Variants in ADCY2 observed in about 807,000 individuals in gnomAD.
The protein encoded by ADCY2 is adenylate cyclase 2, also known as adenylate cyclase type 2.
Under a neutral mutation model 125.2 loss-of-function variants are expected in ADCY2, and 31 were observed. That is an observed-to-expected ratio of 0.25 (90% CI 0.19 to 0.33). ADCY2 has a LOEUF of 0.33. Among genes scored for constraint, ADCY2 ranks in the 10% least tolerant of loss-of-function variants. The pLI is 1.00. For missense variants in ADCY2, 904 were observed against 1,418.2 expected (o/e 0.64, Z 5.82); for synonymous variants, 512 against 548.4 (o/e 0.93, Z 0.93).
In ADCY2 at chr5:7,826,878, A is replaced by C. The variant is rs759855887; in HGVS notation, c.*7A>C. ...GAGCAACGTGGCATCCTGAAGAGTC[A>C]CCTTCATTTTGGCAAGAAGACTGTA... is the stretch of plus-strand genomic sequence containing the variant. On this transcript the variant is annotated 3_prime_UTR_variant, in exon 25 of 25. Transcript: ENST00000338316. 1 of 1,592,490 alleles carries C rather than the reference A, an allele frequency of 6.3e-7. No individual in the cohort carries two copies. Among genetic ancestry groups the C allele is most frequent in the Non-Finnish European group, 8.5e-7 (1 of 1,172,226 alleles).
intron 2 of ADCY2, among the ~76,000 whole-genome samples, chr5:7,499,269 G>A (rs1743458560): frequency 6.6e-6 from 1 of 152,102 alleles, no homozygotes; most frequent in Non-Finnish European, 1.5e-5. Flanking sequence ...GCCTCCCAAA[G>A]TGCTGGGATT....
intron 3 of ADCY2, among the ~76,000 whole-genome samples, chr5:7,603,789 T>TC (rs1737304306): frequency 7.4e-6 from 1 of 135,730 alleles, no homozygotes; most frequent in Non-Finnish European, 1.5e-5. Context: ...TCTTTCTTTT[T>TC]TTTTTTTTTT....
At chr5:7,613,670 A>G (rs144699598) in intron 3 of ADCY2, among the ~76,000 whole-genome samples, 2 of 152,330 alleles carry the variant, frequency 1.3e-5, no homozygotes, top group African/African-American at 4.8e-5. Flanking sequence ...GATTGAACTC[A>G]CTTTCCAGCT....
chr5:7,483,556 A>G (rs1742814529), intron 2 of ADCY2, among the ~76,000 whole-genome samples: 1 of 152,248 alleles, frequency 6.6e-6, no homozygotes, highest in African/African-American at 2.4e-5. Context: ...ATATATTTTG[A>G]AAGCTTCTTC....
chr5:7,663,260 A>G (rs1280262309), intron 4 of ADCY2, among the ~76,000 whole-genome samples: 5 of 152,264 alleles, frequency 3.3e-5, no homozygotes, highest in Non-Finnish European at 5.9e-5. Context: ...AACCTATAGC[A>G]GCACCAACTC....
In ADCY2 at chr5:7,758,962, C is replaced by T. The variant is rs529530998; in HGVS notation, c.2094+1376C>T. Among the ~76,000 whole-genome samples, 56 of 152,272 alleles carry T rather than the reference C, an allele frequency of 3.7e-4. No individual in the cohort carries two copies. The South Asian group carries it at 9.7e-3, about 26-fold the overall frequency. On this transcript the variant is annotated intron_variant, in intron 16 of 24. Transcript: ENST00000338316. The stretch of plus-strand genomic sequence containing the variant: ...CAGTCCTCCAGGTCACGCGAGAGAT[C>T]GTAAATTCCTCTCAAACACCTGCAG...
At chr5:7,727,018 A>G (rs1267203472) in intron 13 of ADCY2, 146 bp from the exon 14 acceptor site, 1 of 605,692 alleles carries the variant, frequency 1.7e-6, no homozygotes, top group South Asian at 2.1e-5. Flanking sequence ...GCTGAGATGA[A>G]CAGGCTTTCT....
At chr5:7,538,231 A>T (rs1734884678) in intron 3 of ADCY2, among the ~76,000 whole-genome samples, 1 of 152,212 alleles carries the variant, frequency 6.6e-6, no homozygotes, top group African/African-American at 2.4e-5. Flanking sequence ...CATGATCCAT[A>T]ATAGAAACAG....
At chr5:7,488,145 C>T (rs1364875812) in intron 2 of ADCY2, among the ~76,000 whole-genome samples, 1 of 152,122 alleles carries the variant, frequency 6.6e-6, no homozygotes. Flanking sequence ...GTGGAGATGA[C>T]TGACTCATGG....
At chr5:7,737,225 T>C (rs1212847632) in intron 14 of ADCY2, among the ~76,000 whole-genome samples, 1 of 152,150 alleles carries the variant, frequency 6.6e-6, no homozygotes, top group East Asian at 1.9e-4. Context: ...AGAGAAAAGC[T>C]GATAAACCAA....
At chr5:7,497,285 T>C (rs1743375785) in intron 2 of ADCY2, among the ~76,000 whole-genome samples, 1 of 152,176 alleles carries the variant, frequency 6.6e-6, no homozygotes, top group Non-Finnish European at 1.5e-5. Flanking sequence ...CTGTAGAGAA[T>C]TACTTGAATT....
chr5:7,646,882 C>A (rs1362380643), intron 4 of ADCY2, among the ~76,000 whole-genome samples: 1 of 152,166 alleles, frequency 6.6e-6, no homozygotes, highest in Admixed American at 6.5e-5. Context: ...AGCAAATGGG[C>A]AATTTCGGCC....
intron 4 of ADCY2, among the ~76,000 whole-genome samples, chr5:7,647,158 C>G (rs1738928208): frequency 6.6e-6 from 1 of 152,156 alleles, no homozygotes; most frequent in East Asian, 1.9e-4. Flanking sequence ...CTAACACACG[C>G]CTTTCAGCTC....
intron 2 of ADCY2, among the ~76,000 whole-genome samples, chr5:7,480,950 T>C (rs1054195995): frequency 6.6e-6 from 1 of 152,202 alleles, no homozygotes; most frequent in Admixed American, 6.5e-5. Flanking sequence ...AACATGGGAA[T>C]GCAGATATCT....
intron 2 of ADCY2, among the ~76,000 whole-genome samples, chr5:7,425,824 T>A (rs1740365322): frequency 6.6e-6 from 1 of 152,244 alleles, no homozygotes; most frequent in Non-Finnish European, 1.5e-5. Flanking sequence ...GGTATTTTTT[T>A]CTTGCTCTCT....
chr5:7,707,470 T>A (rs911560804), intron 8 of ADCY2, among the ~76,000 whole-genome samples: 1 of 152,214 alleles, frequency 6.6e-6, no homozygotes, highest in Non-Finnish European at 1.5e-5. Flanking sequence ...TTTGCTATAA[T>A]TCACCACACC....
intron 14 of ADCY2, among the ~76,000 whole-genome samples, chr5:7,729,331 G>C (rs1365411108): frequency 6.6e-6 from 1 of 152,046 alleles, no homozygotes; most frequent in African/African-American, 2.4e-5. Flanking sequence ...CTTTACTGTA[G>C]ATACAATTTT....
chr5:7,724,451 TAAAG>T, intron 12 of ADCY2, 90 bp from the exon 13 acceptor site: 3 of 863,446 alleles, frequency 3.5e-6, no homozygotes, highest in Admixed American at 2.1e-5. Flanking sequence ...TGATACACAA[TAAAG>T]AAAGAAGATC....
intron 4 of ADCY2, among the ~76,000 whole-genome samples, chr5:7,629,122 T>A (rs1228010456): frequency 1.3e-5 from 2 of 152,240 alleles, no homozygotes; most frequent in African/African-American, 4.8e-5. Context: ...TCAGTCATTG[T>A]TTAGATAAAT....
Sources: gnomAD v4.1 joint callset for allele counts (sites outside exome capture counted in the v4.1 genomes callset) on GRCh38, gnomAD v4.1.1 for gene constraint, MANE v1.5 for transcripts, NCBI Gene and HGNC (gene_info 2026-07-23, HGNC 2026-07-21) for gene names.